The following RC3H1 variants were observed in gnomAD, a reference collection of about 807,000 sequenced individuals.
The protein encoded by RC3H1 is roquin-1.
In RC3H1, 50 loss-of-function variants were observed where a neutral mutation model predicts 138.2. The observed-to-expected ratio is 0.36, with a 90% CI of 0.29 to 0.46. The LOEUF (loss-of-function observed/expected upper bound fraction) is 0.46, where lower values mean the gene tolerates loss of function less well. RC3H1 is among the 20% of genes least tolerant of loss of function. The probability of loss-of-function intolerance (pLI) is 1.00; values close to 1 mark genes in which losing one functional copy is unlikely to be tolerated. For missense variants in RC3H1, 1,031 were observed against 1,388.1 expected (o/e 0.74, Z 4.09); for synonymous variants, 462 against 489.1 (o/e 0.94, Z 0.73).
rs199866592 is a variant in RC3H1, at chr1:173,964,914, G to T, written c.1541C>A (p.Pro514His). ...TGGTTTCAGACTAGAATCATAGCTG[G>T]GGTCTGTCCCTCGCGGAATAAGCTG... ...VTQLIPRGTD[P>H]SYDSSLKPGK... Residue 514 changes from proline to histidine, a missense_variant, in exon 10 of 20, where the codon CCC becomes CAC. Pro to His is a moderately conservative substitution (Grantham distance 77, BLOSUM62 -2). Coordinates refer to ENST00000367696, the MANE Select transcript of RC3H1 (RefSeq NM_172071.4). 6.2e-7 allele frequency: 1 copy of T among 1,614,094 alleles called. No homozygotes were observed. Among genetic ancestry groups the T allele is most frequent in the Non-Finnish European group, 8.5e-7 (1 of 1,179,994 alleles).
At chr1:173,957,559 C>T (rs989732857) in intron 13 of RC3H1, among the ~76,000 whole-genome samples, 12 of 151,974 alleles carry the variant, frequency 7.9e-5, no homozygotes, top group African/African-American at 2.9e-4. Context: ...TCTTCCCCCC[C>T]TCTAATTTTT....
rs140683117 is a variant in RC3H1 at position 173,947,554 on chromosome 1, T to A, written c.2552A>T (p.Gln851Leu). ...TGCTCTTCTCTGAAGATCTAATCGC[T>A]GGTCCCTCATTCCTTTACTCTCCAC... ...MNVESKGMRD[Q>L]RLDLQRRAAE... Residue 851 changes from glutamine to leucine, a missense_variant, in exon 15 of 20, where the codon CAG becomes CTG. By Grantham distance (113) the Gln-to-Leu change is moderately radical. Coordinates refer to ENST00000367696, the MANE Select transcript of RC3H1 (RefSeq NM_172071.4). 1.2e-6 allele frequency: 2 copies of A among 1,613,928 alleles called. No homozygotes were observed. Among genetic ancestry groups the A allele is most frequent in the African/African-American group, 2.7e-5 (2 of 74,888 alleles).
intron 19 of RC3H1, 45 bp downstream of exon 19, chr1:173,941,220 T>G (rs1163393299): frequency 1.8e-6 from 2 of 1,115,860 alleles, no homozygotes; most frequent in African/African-American, 3.1e-5. Context: ...TAGTTTCTCT[T>G]TTGTGTGTAA....
chr1:173,940,094 T>C (rs1489679595), intron 19 of RC3H1, among the ~76,000 whole-genome samples: 4 of 152,144 alleles, frequency 2.6e-5, no homozygotes, highest in Admixed American at 6.5e-5. Flanking sequence ...CTGGATGATA[T>C]AGGATAGACT....
rs377563091 is a variant in RC3H1, at chr1:174,021,489, TG to T, written c.-151+606del. On this transcript the variant is annotated intron_variant, in intron 1 of 19. Transcript: ENST00000367696. ...ATGTTTTTGTTGCATTTAAGTTTTT[TG>T]TTTTTTTTTTTTAAAGACACCTGCA... 1.2e-3 allele frequency among the ~76,000 whole-genome samples: 185 copies of T among 150,256 alleles called. 2 individuals carry two copies. Among genetic ancestry groups the T allele is most frequent in the African/African-American group, 4.3e-3 (177 of 41,138 alleles).
At position 173,984,624 on chromosome 1, in the gene RC3H1, A is replaced by G. The variant is rs1263829069; in HGVS notation, c.232-5T>C. 2 of 1,610,704 alleles carry G rather than the reference A, an allele frequency of 1.2e-6. No individual in the cohort carries two copies. Among genetic ancestry groups the G allele is most frequent in the South Asian group, 1.1e-5 (1 of 90,236 alleles). On this transcript the variant is annotated splice_region_variant and splice_polypyrimidine_tract_variant and intron_variant, in intron 2 of 19. Transcript: ENST00000367696. ...AATAGGCTGCTGCTCAGGGACCTGGAGGCCAAAAGAAAAGATCTGTATGAG... is the reference window on the plus strand; with the variant it reads ...AATAGGCTGCTGCTCAGGGACCTGGGGGCCAAAAGAAAAGATCTGTATGAG...
At chr1:173,971,658 T>C (rs915051183) in intron 8 of RC3H1, among the ~76,000 whole-genome samples, 4 of 152,186 alleles carry the variant, frequency 2.6e-5, no homozygotes, top group Non-Finnish European at 5.9e-5. Context: ...TTCTTCAAGA[T>C]GTCTAATGAA....
At chr1:174,001,299 C>T (rs1258400336) in intron 1 of RC3H1, among the ~76,000 whole-genome samples, 1 of 152,192 alleles carries the variant, frequency 6.6e-6, no homozygotes, top group Non-Finnish European at 1.5e-5. Context: ...GAAAGTAAGA[C>T]AGTCTTTAAC....
Position 173,932,896 on chromosome 1 carries a change from G to A in RC3H1, c.*5825C>T, listed in dbSNP as rs1277102865. ...GACTCTTTCATACACTCACTGGGGT[G>A]GGGGACCACCTGACAGTTTCCAGTT... On this transcript the variant is annotated 3_prime_UTR_variant, in exon 20 of 20. Transcript: ENST00000367696. 6.6e-6 allele frequency: 1 copy of A among 152,008 alleles called. No homozygotes were observed. Among genetic ancestry groups the A allele is most frequent in the Non-Finnish European group, 1.5e-5 (1 of 67,940 alleles). 9.4% of individuals were successfully genotyped at this position (152,008 alleles called of 1,614,324 possible).
intron 19 of RC3H1, 28 bp downstream of exon 19, chr1:173,941,237 A>G (rs1294031144): frequency 1.5e-6 from 2 of 1,314,194 alleles, no homozygotes; most frequent in South Asian, 2.4e-5. Flanking sequence ...GTAATTTAAT[A>G]TGGCTACGAC....
At chr1:174,007,766 A>G (rs1394905651) in intron 1 of RC3H1, among the ~76,000 whole-genome samples, 1 of 152,170 alleles carries the variant, frequency 6.6e-6, no homozygotes. Context: ...CCCACACAAC[A>G]TTATTTTTGT....
At chr1:173,952,375 GT>G (rs377134268) in intron 13 of RC3H1, among the ~76,000 whole-genome samples, 18,929 of 62,618 alleles carry the variant, frequency 0.3, 3,536 homozygotes, top group African/African-American at 0.61. Context: ...TTTTTTTTTT[GT>G]TTTTTTTTTT....
rs1252925897 is a variant in RC3H1, at chr1:173,933,578, G to T, written c.*5143C>A. On this transcript the variant is annotated 3_prime_UTR_variant, in exon 20 of 20. Coordinates refer to ENST00000367696, the MANE Select transcript of RC3H1 (RefSeq NM_172071.4). ...TTTTGACAAAAACAGCTTTCTTCTT[G>T]AAGTGGCTCAGAAAAGCTAAATTGA... 1 of 152,116 alleles carries T rather than the reference G, an allele frequency of 6.6e-6. No individual in the cohort carries two copies. Among genetic ancestry groups the T allele is most frequent in the Non-Finnish European group, 1.5e-5 (1 of 67,992 alleles). 9.4% of individuals were successfully genotyped at this position (152,116 alleles called of 1,614,324 possible). A position where few individuals can be genotyped will look rare whatever the true frequency, so the allele number is the denominator to read the frequency against.
intron 1 of RC3H1, among the ~76,000 whole-genome samples, chr1:174,012,177 G>GCC (rs1318057677): frequency 6.6e-6 from 1 of 151,854 alleles, no homozygotes; most frequent in Non-Finnish European, 1.5e-5. Context: ...GCTGCAGTGA[G>GCC]CCCTGATCCC....
rs1660784749 is a variant in RC3H1, at chr1:173,980,879, G to A, written c.899C>T (p.Pro300Leu). Residue 300 changes from proline (P) to leucine (L), a missense_variant, in exon 6 of 20, where the codon CCG becomes CTG. Physicochemically the swap from Pro to Leu is moderately conservative, Grantham distance 98. This residue lies in a region of RC3H1 where 142 missense variants were observed against 224.6 expected (regional missense o/e 0.63). Coordinates refer to ENST00000367696, the MANE Select transcript of RC3H1 (RefSeq NM_172071.4). ...IAMEAGLRIA[P>L]DQWSSLLYGD... Reference sequence around the variant, plus strand: ...ATAAAGCAAAGAGGACCACTGGTCCGGTGCAATTCGTAAGCCTGCTTCCAT... The same window carrying A: ...ATAAAGCAAAGAGGACCACTGGTCCAGTGCAATTCGTAAGCCTGCTTCCAT... The A allele has an allele frequency of 6.2e-7, 1 of 1,614,038 alleles. No individual in the cohort carries two copies. Among genetic ancestry groups the A allele is most frequent in the Non-Finnish European group, 8.5e-7 (1 of 1,179,942 alleles).
Position 173,983,669 on chromosome 1 carries a change from T to G in RC3H1, c.353-12A>C, listed in dbSNP as rs1297105728. 4 of 1,611,474 alleles carry G rather than the reference T, an allele frequency of 2.5e-6. No homozygotes were observed. The highest frequency in any genetic ancestry group is 3.4e-6 in the Non-Finnish European group (4 of 1,178,450). ...GTTCAGACCCACTCCTTTAAAAGAG[T>G]AAAGAAGTTATTCCTAGGTTCACAA... On this transcript the variant is annotated splice_polypyrimidine_tract_variant and intron_variant, in intron 3 of 19. Transcript: ENST00000367696.
chr1:173,957,352 G>A (rs1363482684), intron 13 of RC3H1, among the ~76,000 whole-genome samples: 1 of 151,980 alleles, frequency 6.6e-6, no homozygotes, highest in Non-Finnish European at 1.5e-5. Context: ...CAGGATTCAG[G>A]GAGGCTAAGT....
intron 13 of RC3H1, among the ~76,000 whole-genome samples, chr1:173,960,870 A>G (rs927369433): frequency 1.3e-5 from 2 of 151,902 alleles, no homozygotes; most frequent in Admixed American, 1.3e-4. Flanking sequence ...CCTTACAGGA[A>G]CAAAAAAAAA....
intron 17 of RC3H1, among the ~76,000 whole-genome samples, chr1:173,945,883 AT>A (rs1470224393): frequency 6.6e-6 from 1 of 151,796 alleles, no homozygotes; most frequent in African/African-American, 2.4e-5. Context: ...AATTTTTTGT[AT>A]TTTTAGTAGA....
Sources: gnomAD v4.1 joint callset for allele counts (sites outside exome capture counted in the v4.1 genomes callset) on GRCh38, gnomAD v4.1.1 for gene constraint, gnomAD v4.1.1 regional missense constraint, MANE v1.5 for transcripts, NCBI Gene and HGNC (gene_info 2026-07-23, HGNC 2026-07-21) for gene names.